B3GNT5: variants seen among roughly 807,000 people sequenced by gnomAD.
B3GNT5 encodes lactosylceramide 1,3-N-acetyl-beta-D-glucosaminyltransferase.
B3GNT5 carries 11 observed loss-of-function variants against 25.9 expected under a neutral mutation model. The ratio of observed to expected loss-of-function variants is 0.42; its 90% CI spans 0.27 to 0.70. The LOEUF (loss-of-function observed/expected upper bound fraction) is 0.70. B3GNT5 is among the 30% of genes least tolerant of loss of function. The probability of loss-of-function intolerance (pLI) is 0.23; values close to 1 mark genes in which losing one functional copy is unlikely to be tolerated. For synonymous variants in B3GNT5, 166 were observed against 158.6 expected, an observed-to-expected ratio of 1.05 and a Z score of -0.35; for missense variants, 385 against 458.4, an observed-to-expected ratio of 0.84 and a Z score of 1.46.
intron 1 of B3GNT5, among the ~76,000 whole-genome samples, chr3:183,268,752 C>T (rs1237035890): frequency 1.3e-5 from 2 of 152,142 alleles, no homozygotes; most frequent in Non-Finnish European, 2.9e-5. Flanking sequence ...CAAATTTCTG[C>T]GCATGATATG....
At chr3:183,261,168 C>T (rs969184990) in intron 1 of B3GNT5, among the ~76,000 whole-genome samples, 1 of 152,086 alleles carries the variant, frequency 6.6e-6, no homozygotes, top group African/African-American at 2.4e-5. Flanking sequence ...TTCTTAACAC[C>T]GATTATTGTA....
At position 183,273,124 on chromosome 3, in the gene B3GNT5, G is replaced by T. The variant is rs976832481; in HGVS notation, c.*2189G>T. On this transcript the variant is annotated 3_prime_UTR_variant, in exon 2 of 2. Transcript: ENST00000326505. ...AAGGAAAAAACTTTTTGGTGCTCCA[G>T]TGTAGGGCTATCTTTTTAAAAAATG... is the stretch of plus-strand genomic sequence containing the variant. 1.1e-5 allele frequency: 9 copies of T among 835,024 alleles called. No homozygotes were observed. Among genetic ancestry groups the T allele is most frequent in the Non-Finnish European group, 1.6e-5 (9 of 557,484 alleles). 51.7% of individuals were successfully genotyped at this position (835,024 alleles called of 1,614,324 possible). A position where few individuals can be genotyped will look rare whatever the true frequency, so the allele number is the denominator to read the frequency against.
chr3:183,271,986 G>T lies in B3GNT5; in HGVS notation c.*1051G>T. On this transcript the variant is annotated 3_prime_UTR_variant, in exon 2 of 2. Coordinates refer to ENST00000326505, the MANE Select transcript of B3GNT5 (RefSeq NM_032047.5). Reference sequence around the variant, plus strand: ...CACAGCACTTTGTTCCAAGTTCAGAGTTTTAAATTGAGAGCATTAAACATC... The same window carrying T: ...CACAGCACTTTGTTCCAAGTTCAGATTTTTAAATTGAGAGCATTAAACATC... The T allele has an allele frequency of 3.4e-6, 1 of 296,006 alleles. No individual in the cohort carries two copies. The highest frequency in any genetic ancestry group is 5.4e-6 in the Non-Finnish European group (1 of 186,172). The allele number at this position is 296,006 out of a possible 1,614,324, so 18.3% of individuals were successfully genotyped here. A position where few individuals can be genotyped will look rare whatever the true frequency, so the allele number is the denominator to read the frequency against.
At chr3:183,263,454 G>A (rs1189948276) in intron 1 of B3GNT5, among the ~76,000 whole-genome samples, 1 of 152,006 alleles carries the variant, frequency 6.6e-6, no homozygotes, top group Non-Finnish European at 1.5e-5. Flanking sequence ...GGCCTTGTTT[G>A]TCCTGCTTAC....
Position 183,270,380 on chromosome 3 carries a change from T to C in B3GNT5, c.582T>C (p.Asp194=), listed in dbSNP as rs372670786. The change falls in exon 2 of 2, where the codon GAT becomes GAC. Residue 194 remains aspartate, a synonymous_variant. Transcript: ENST00000326505. The surrounding 1 kb of genome is among the most constrained non-coding windows in gnomAD (Gnocchi z 4.5). ...PHAKFLMTAD[D]DIFIHMPNLI... ...CCAAATTTCTTATGACTGCTGATGA[T>C]GACATATTTATTCACATGCCAAATC... The C allele has an allele frequency of 5.3e-5, 85 of 1,614,114 alleles. No individual in the cohort carries two copies. The highest frequency in any genetic ancestry group is 6.6e-5 in the Non-Finnish European group (78 of 1,180,034).
rs763720390 is a variant in B3GNT5, at chr3:183,269,999, C to T, written c.201C>T (p.Thr67=). The T allele has an allele frequency of 6.8e-6, 11 of 1,613,962 alleles. No individual in the cohort carries two copies. Among genetic ancestry groups the T allele is most frequent in the Non-Finnish European group, 7.6e-6 (9 of 1,180,018 alleles). ...FVNDTLSLKH[T]SAGPRYQYLI... is the part of the protein sequence containing the mutation. ...ATGATACCCTGTCTCTTAAGCACAC[C>T]TCAGCGGGGCCTCGCTACCAATACT... The change falls in exon 2 of 2, where the codon ACC becomes ACT. Residue 67 remains threonine, a synonymous_variant. Coordinates refer to ENST00000326505, the MANE Select transcript of B3GNT5 (RefSeq NM_032047.5).
chr3:183,255,689 G>A (rs1487295358), intron 1 of B3GNT5, among the ~76,000 whole-genome samples: 1 of 152,040 alleles, frequency 6.6e-6, no homozygotes, highest in Non-Finnish European at 1.5e-5. Flanking sequence ...CTCAGAAGGT[G>A]CAGAAGAGTT....
In B3GNT5 at chr3:183,255,501, A is replaced by G. The variant is rs141126303; in HGVS notation, c.-302+2029A>G. On this transcript the variant is annotated intron_variant, in intron 1 of 1. Transcript: ENST00000326505. ...CACACGCTCTGAGCATTGACTGAGC[A>G]CTCTGAGGAGGAGGCTGACTCAGGC... 9.2e-5 allele frequency among the ~76,000 whole-genome samples: 14 copies of G among 152,264 alleles called. No homozygotes were observed. The East Asian group carries it at 2.7e-3, about 29-fold the overall frequency.
At position 183,270,278 on chromosome 3, in the gene B3GNT5, CTT is replaced by C; in HGVS notation, c.482_483del (p.Phe161CysfsTer2). 1.9e-6 allele frequency: 3 copies of C among 1,614,158 alleles called. No individual in the cohort carries two copies. The highest frequency in any genetic ancestry group is 2.5e-6 in the Non-Finnish European group (3 of 1,180,004). Reference protein sequence around the residue: ...QRYNDIIQQDFVDSFYNLTLK... With the variant: ...QRYNDIIQQDXVDSFYNLTLK... ...GGTACAATGATATAATTCAGCAAGA[CTT>C]TGTTGATTCTTTCTACAATCTTACT... is the stretch of plus-strand genomic sequence containing the variant. On this transcript the variant is annotated frameshift_variant, in exon 2 of 2. Coordinates refer to ENST00000326505, the MANE Select transcript of B3GNT5 (RefSeq NM_032047.5). LOFTEE classifies it high-confidence loss of function. The surrounding 1 kb of genome is among the most constrained non-coding windows in gnomAD (Gnocchi z 4.5).
chr3:183,255,281 T>C (rs1225236182), intron 1 of B3GNT5, among the ~76,000 whole-genome samples: 1 of 152,144 alleles, frequency 6.6e-6, no homozygotes, highest in African/African-American at 2.4e-5. Context: ...AAAGGGTGAT[T>C]AGTGATCAGC....
At chr3:183,264,429 GA>G in intron 1 of B3GNT5, among the ~76,000 whole-genome samples, 1 of 152,202 alleles carries the variant, frequency 6.6e-6, no homozygotes, top group South Asian at 2.1e-4. Flanking sequence ...TTGTCTGTGG[GA>G]ACTATGCTTT....
In B3GNT5 at chr3:183,270,590, A is replaced by T; in HGVS notation, c.792A>T (p.Val264=). Residue 264 remains valine, a synonymous_variant, in exon 2 of 2, where the codon GTA becomes GTT. Coordinates refer to ENST00000326505, the MANE Select transcript of B3GNT5 (RefSeq NM_032047.5). This position sits in a 1 kb window ranked among gnomAD's most constrained non-coding sequence, Gnocchi z 4.5. ...CTGCCTATGTAATCTCCGGTGATGTAGCTGCCAAAGTCTATGAGGCATCAC... is the reference window on the plus strand; with the variant it reads ...CTGCCTATGTAATCTCCGGTGATGTTGCTGCCAAAGTCTATGAGGCATCAC... The part of the protein sequence containing the change: ...AGAAYVISGD[V]AAKVYEASQT... The T allele has an allele frequency of 6.2e-7, 1 of 1,614,218 alleles. No homozygotes were observed. Among genetic ancestry groups the T allele is most frequent in the Non-Finnish European group, 8.5e-7 (1 of 1,180,048 alleles).
At position 183,262,069 on chromosome 3, in the gene B3GNT5, TTA is replaced by T. The variant is rs377071477; in HGVS notation, c.-301-7416_-301-7415del. Among the ~76,000 whole-genome samples, 28 of 147,238 alleles carry T rather than the reference TTA, an allele frequency of 1.9e-4. No homozygotes were observed. The East Asian group carries it at 2.0e-3, about 10-fold the overall frequency. Reference sequence around the variant, plus strand: ...TAAAGGAATGAGGAATGCATATATATTATATATATATATACCAAATTAAAGTA... The same window carrying T: ...TAAAGGAATGAGGAATGCATATATATTATATATATATACCAAATTAAAGTA... On this transcript the variant is annotated intron_variant, in intron 1 of 1. Coordinates refer to ENST00000326505, the MANE Select transcript of B3GNT5 (RefSeq NM_032047.5).
chr3:183,268,369 G>A (rs925180084), intron 1 of B3GNT5, among the ~76,000 whole-genome samples: 28 of 152,158 alleles, frequency 1.8e-4, no homozygotes, highest in African/African-American at 5.6e-4. Context: ...CAAAGGTCAC[G>A]CTGACTGTAA....
At position 183,269,915 on chromosome 3, in the gene B3GNT5, T is replaced by C. The variant is rs761160843; in HGVS notation, c.117T>C (p.Ile39=). The change falls in exon 2 of 2, where the codon ATT becomes ATC. Residue 39 remains isoleucine (I), a synonymous_variant. Transcript: ENST00000326505. ...MFFWEPIDNH[I]VSHMKSYSYR... ...TTTGGGAACCAATCGATAATCACAT[T>C]GTGAGCCATATGAAGTCATATTCTT... The C allele has an allele frequency of 2.5e-6, 4 of 1,614,046 alleles. No individual in the cohort carries two copies. Among genetic ancestry groups the C allele is most frequent in the Non-Finnish European group, 3.4e-6 (4 of 1,180,046 alleles).
At chr3:183,256,143 A>G (rs1437685783) in intron 1 of B3GNT5, among the ~76,000 whole-genome samples, 1 of 152,218 alleles carries the variant, frequency 6.6e-6, no homozygotes, top group Non-Finnish European at 1.5e-5. Context: ...TTTATAATAC[A>G]TTATGCCTTT....
chr3:183,270,230 A>C lies in B3GNT5; in HGVS notation c.432A>C (p.Arg144Ser), dbSNP rs755289892. Residue 144 changes from arginine to serine, a missense_variant, in exon 2 of 2, where the codon AGA (arginine) becomes AGC (serine). By Grantham distance (110) the Arg-to-Ser change is moderately radical (BLOSUM62 -1). Transcript: ENST00000326505. The surrounding 1 kb of genome is among the most constrained non-coding windows in gnomAD (Gnocchi z 4.5). ...PNPLEGEELQ[R>S]KLAWEDQRYN... ...CACTGGAGGGAGAAGAACTACAAAG[A>C]AAACTGGCTTGGGAAGATCAAAGGT... is the stretch of plus-strand genomic sequence containing the variant. 2 of 1,614,210 alleles carry C rather than the reference A, an allele frequency of 1.2e-6. No individual in the cohort carries two copies. Among genetic ancestry groups the C allele is most frequent in the Non-Finnish European group, 1.7e-6 (2 of 1,180,032 alleles).
At chr3:183,255,096 A>G (rs1408727694) in intron 1 of B3GNT5, among the ~76,000 whole-genome samples, 1 of 152,224 alleles carries the variant, frequency 6.6e-6, no homozygotes, top group Admixed American at 6.5e-5. Context: ...ATCTGATGAA[A>G]GTACATCCAT....
intron 1 of B3GNT5, among the ~76,000 whole-genome samples, chr3:183,263,869 C>T (rs1011578293): frequency 1.3e-5 from 2 of 152,144 alleles, no homozygotes; most frequent in African/African-American, 4.8e-5. Flanking sequence ...TTCATCAGGT[C>T]CTGCTAGGTC....
Sources: allele counts gnomAD v4.1 joint callset (sites outside exome capture counted in the v4.1 genomes callset), GRCh38; gene constraint gnomAD v4.1.1; non-coding constraint Gnocchi (gnomAD v3.1); transcripts MANE v1.5; gene names NCBI Gene and HGNC (gene_info 2026-07-23, HGNC 2026-07-21).